The following CTNNA2 variants were observed in gnomAD, a reference collection of about 807,000 sequenced individuals.
The protein encoded by CTNNA2 is catenin alpha 2, also known as catenin alpha-2.
In CTNNA2, 42 loss-of-function variants were observed where a neutral mutation model predicts 101.0. The observed-to-expected ratio is 0.42, with a 90% CI of 0.32 to 0.54. The LOEUF is 0.54. Among genes scored for constraint, CTNNA2 ranks in the 20% least tolerant of loss-of-function variants. The pLI, the probability that CTNNA2 is intolerant of heterozygous loss-of-function variation, is 0.14. For synonymous variants in CTNNA2, 450 were observed against 456.4 expected (o/e 0.99, Z 0.18); for missense variants, 871 against 1,223.1 (o/e 0.71, Z 4.29).
At chr2:79,461,464 C>T (rs903443043) in intron 4 of CTNNA2, among the ~76,000 whole-genome samples, 3 of 152,098 alleles carry the variant, frequency 2.0e-5, no homozygotes, top group Admixed American at 6.5e-5. Context: ...GTGCATAGCA[C>T]GAGGATTTTC....
intron 2 of CTNNA2, among the ~76,000 whole-genome samples, chr2:79,697,273 A>G (rs1452761777): frequency 6.6e-6 from 1 of 152,066 alleles, no homozygotes; most frequent in Non-Finnish European, 1.5e-5. Flanking sequence ...CAAACTTTGT[A>G]GAGCTGCCGT....
rs1706630177 is a variant in CTNNA2 at position 80,193,197 on chromosome 2, C to T, written c.1057-200014C>T. Among the ~76,000 whole-genome samples the T allele has an allele frequency of 2.0e-5, 3 of 152,194 alleles. No individual in the cohort carries two copies. In the South Asian group the frequency reaches 6.2e-4, roughly 32 times the overall value. On this transcript the variant is annotated intron_variant, in intron 7 of 18. Coordinates refer to ENST00000402739, the MANE Select transcript of CTNNA2 (RefSeq NM_001282597.3). ...CATTGGTAACTATCAACTGAATGTTCATTCATATCAACCAATGAGAAATAT... is the reference window on the plus strand; with the variant it reads ...CATTGGTAACTATCAACTGAATGTTTATTCATATCAACCAATGAGAAATAT...
At chr2:79,613,420 C>T (rs945857645) in intron 1 of CTNNA2, among the ~76,000 whole-genome samples, 3 of 151,126 alleles carry the variant, frequency 2.0e-5, no homozygotes, top group African/African-American at 7.3e-5. Flanking sequence ...TACTTGTCAT[C>T]AAGAACCTGT....
intron 18 of CTNNA2, among the ~76,000 whole-genome samples, chr2:80,620,617 T>C (rs573095305): frequency 6.6e-6 from 1 of 152,056 alleles, no homozygotes; most frequent in African/African-American, 2.4e-5. Context: ...AATATTGCAA[T>C]GTGGGCAATA....
chr2:80,625,368 A>AGT (rs1671575568), intron 18 of CTNNA2, among the ~76,000 whole-genome samples: 2 of 151,938 alleles, frequency 1.3e-5, no homozygotes, highest in Non-Finnish European at 2.9e-5. Context: ...ATGTTTTTTC[A>AGT]ATTGTGCTCT....
rs1673288159 is a variant in CTNNA2 at position 79,768,024 on chromosome 2, C to T, written c.298+23442C>T. ...CTAGGACTCGGTTTATTTAGAGACC[C>T]AGAGCACTTTGGCATTTGGTGATGA... On this transcript the variant is annotated intron_variant, in intron 3 of 18. Transcript: ENST00000402739. Among the ~76,000 whole-genome samples the T allele has an allele frequency of 2.0e-5, 3 of 151,712 alleles. No individual in the cohort carries two copies. The South Asian group carries it at 6.3e-4, about 32-fold the overall frequency.
At position 80,469,089 on chromosome 2, in the gene CTNNA2, C is replaced by T. The variant is rs80269709; in HGVS notation, c.1290+49488C>T. ...TGCTGTTTGTGTGGTGGTGGTGTGA[C>T]GGCTTATAGGGGTCTTACTGTGGCA... On this transcript the variant is annotated intron_variant, in intron 9 of 18. Transcript: ENST00000402739. Among the ~76,000 whole-genome samples, 1,080 of 152,150 alleles carry T rather than the reference C, an allele frequency of 7.1e-3. 10 individuals are homozygous for T. The highest frequency in any genetic ancestry group is 0.02 in the African/African-American group (818 of 41,488).
intron 3 of CTNNA2, among the ~76,000 whole-genome samples, chr2:79,804,201 C>T (rs1263955094): frequency 1.3e-5 from 2 of 152,142 alleles, no homozygotes; most frequent in African/African-American, 4.8e-5. Flanking sequence ...TTGTATTTAT[C>T]ATACAGTGAC....
At chr2:79,415,803 A>G (rs935464544) in intron 4 of CTNNA2, among the ~76,000 whole-genome samples, 1 of 152,100 alleles carries the variant, frequency 6.6e-6, no homozygotes, top group South Asian at 2.1e-4. Context: ...ACAAATGCAT[A>G]GGTCTATCTG....
intron 4 of CTNNA2, among the ~76,000 whole-genome samples, chr2:79,449,607 A>C (rs1471270116): frequency 6.6e-6 from 1 of 152,096 alleles, no homozygotes; most frequent in African/African-American, 2.4e-5. Context: ...ATACTTCAGG[A>C]AACAGTTTAC....
chr2:80,372,697 T>TTA (rs201410323), intron 7 of CTNNA2, among the ~76,000 whole-genome samples: 2 of 151,460 alleles, frequency 1.3e-5, no homozygotes, highest in African/African-American at 4.9e-5. Context: ...TTTTTTTTTT[T>TTA]ATTGAGCCAC....
intron 4 of CTNNA2, among the ~76,000 whole-genome samples, chr2:79,444,021 G>A (rs1229748093): frequency 6.6e-6 from 1 of 151,634 alleles, no homozygotes; most frequent in African/African-American, 2.4e-5. Flanking sequence ...AACAACCAGT[G>A]AAGAACTGAG....
At chr2:80,267,219 C>G (rs1673069985) in intron 7 of CTNNA2, among the ~76,000 whole-genome samples, 1 of 152,126 alleles carries the variant, frequency 6.6e-6, no homozygotes, top group African/African-American at 2.4e-5. Flanking sequence ...CCCACTAGTT[C>G]TCAGAGGATA....
At chr2:79,262,153 C>G (rs1043430331) in intron 2 of CTNNA2, among the ~76,000 whole-genome samples, 1 of 152,034 alleles carries the variant, frequency 6.6e-6, no homozygotes, top group Non-Finnish European at 1.5e-5. Context: ...AGGATTCTTA[C>G]TTGAAGGTGG....
rs143260780 is a variant in CTNNA2 at position 79,797,010 on chromosome 2, C to G, written c.298+52428C>G. 1.4e-3 allele frequency among the ~76,000 whole-genome samples: 215 copies of G among 152,250 alleles called. 6 individuals are homozygous for G. The East Asian group carries it at 0.032, about 23-fold the overall frequency. ...GAGGCACTTTTTCCTTTTTCACTTC[C>G]AGCTCTGTTGCCAAAATTCCCATTA... On this transcript the variant is annotated intron_variant, in intron 3 of 18. Transcript: ENST00000402739.
intron 1 of CTNNA2, among the ~76,000 whole-genome samples, chr2:79,521,962 C>T (rs1253657855): frequency 6.6e-6 from 1 of 152,088 alleles, no homozygotes; most frequent in Non-Finnish European, 1.5e-5. Flanking sequence ...GGAGTTGGGA[C>T]AGGAAGCAAA....
chr2:80,574,181 A>C lies in CTNNA2; in HGVS notation c.1760A>C (p.Glu587Ala), dbSNP rs1423465281. ...LSETVMPRFA[E>A]QVEVAIEALS... ...AACCCAGTGATGCCACGCTTCGCTG[A>C]ACAAGTAGAGGTTGCCATTGAAGCC... The change falls in exon 13 of 19, where the codon GAA (glutamate) becomes GCA (alanine). Residue 587 changes from glutamate to alanine, a missense_variant. Physicochemically the swap from Glu to Ala is moderately radical, Grantham distance 107. Around this residue, in one of 5 missense-constraint regions of CTNNA2, gnomAD observed 647 missense variants for 831.5 expected, o/e 0.78. Transcript: ENST00000402739. 1 of 1,612,922 alleles carries C rather than the reference A, an allele frequency of 6.2e-7. No homozygotes were observed. Among genetic ancestry groups the C allele is most frequent in the African/African-American group, 1.3e-5 (1 of 75,014 alleles).
rs142160942 is a variant in CTNNA2 at position 80,149,611 on chromosome 2, T to C, written c.1056+239814T>C. Among the ~76,000 whole-genome samples the C allele has an allele frequency of 1.7e-3, 255 of 152,282 alleles. 3 individuals carry two copies. The highest frequency in any genetic ancestry group is 5.8e-3 in the African/African-American group (243 of 41,560). ...AATACCCCTTAATATGCACCATTTG[T>C]GTAGCATACTTACGTAACTGTAGGC... On this transcript the variant is annotated intron_variant, in intron 7 of 18. Coordinates refer to ENST00000402739, the MANE Select transcript of CTNNA2 (RefSeq NM_001282597.3).
chr2:79,977,041 T>G lies in CTNNA2; in HGVS notation c.1056+67244T>G, dbSNP rs1005538278. Reference sequence around the variant, plus strand: ...CTCCCTGTGGTTTAGACTTTCTGATTCACACAGAGCTTGAAACTTAAATGT... The same window carrying G: ...CTCCCTGTGGTTTAGACTTTCTGATGCACACAGAGCTTGAAACTTAAATGT... On this transcript the variant is annotated intron_variant, in intron 7 of 18. Coordinates refer to ENST00000402739, the MANE Select transcript of CTNNA2 (RefSeq NM_001282597.3). 5.9e-5 allele frequency among the ~76,000 whole-genome samples: 9 copies of G among 152,204 alleles called. 1 individual carries two copies. The highest frequency in any genetic ancestry group is 1.7e-4 in the African/African-American group (7 of 41,452).
Sources: allele counts gnomAD v4.1 joint callset (sites outside exome capture counted in the v4.1 genomes callset), GRCh38; gene constraint gnomAD v4.1.1; regional missense constraint gnomAD v4.1.1; transcripts MANE v1.5; gene names NCBI Gene and HGNC (gene_info 2026-07-23, HGNC 2026-07-21).